IL12RB1: variants seen among roughly 807,000 people sequenced by gnomAD.
IL12RB1 encodes the protein interleukin 12 receptor subunit beta 1, also known as interleukin-12 receptor subunit beta-1.
In IL12RB1, 64 loss-of-function variants were observed where a neutral mutation model predicts 94.4. The observed-to-expected ratio is 0.68, with a 90% CI of 0.55 to 0.83. The LOEUF is 0.83. Ranked by LOEUF, IL12RB1 falls within the 40% of genes least tolerant of loss-of-function variation. The pLI is 0.00. For missense variants in IL12RB1, 814 were observed against 855.6 expected, an observed-to-expected ratio of 0.95 and a Z score of 0.61; for synonymous variants, 362 against 355.5, an observed-to-expected ratio of 1.02 and a Z score of -0.21.
chr19:18,060,556 T>C (rs1208280051), intron 15 of IL12RB1, among the ~76,000 whole-genome samples: 1 of 151,974 alleles, frequency 6.6e-6, no homozygotes, highest in Non-Finnish European at 1.5e-5. Flanking sequence ...CTCCCATCTG[T>C]CTTTGGGAAA....
intron 7 of IL12RB1, 130 bp from the exon 8 acceptor site, chr19:18,073,729 A>G: frequency 5.6e-6 from 4 of 716,180 alleles, no homozygotes; most frequent in East Asian, 2.7e-5. Flanking sequence ...TGCAGAAAAG[A>G]GAAAAAACTG....
chr19:18,059,398 AC>A lies in IL12RB1; in HGVS notation c.*209del. 1.6e-6 allele frequency: 1 copy of A among 628,862 alleles called. No homozygotes were observed. The highest frequency in any genetic ancestry group is 2.9e-6 in the Non-Finnish European group (1 of 348,338). 39.0% of individuals were successfully genotyped at this position (628,862 alleles called of 1,614,324 possible). ...AAATGGCAGGGTCTGCTCCTGCCCC[AC>A]GGATGCCAGGCCCAGCAGGGTGCAG... On this transcript the variant is annotated 3_prime_UTR_variant, in exon 17 of 17. Coordinates refer to ENST00000593993, the MANE Select transcript of IL12RB1 (RefSeq NM_005535.3).
chr19:18,089,348 G>T (rs913921039), upstream of IL12RB1, among the ~76,000 whole-genome samples: 1 of 152,064 alleles, frequency 6.6e-6, no homozygotes, highest in Non-Finnish European at 1.5e-5. Flanking sequence ...TTTCCGGCCC[G>T]GGCGCGGTGG....
chr19:18,074,287 C>G (rs185188631), intron 7 of IL12RB1, among the ~76,000 whole-genome samples: 1 of 152,052 alleles, frequency 6.6e-6, no homozygotes, highest in East Asian at 1.9e-4. Context: ...GCTGGGATTA[C>G]AGGCATAAAC....
chr19:18,098,630 C>T (rs2037240845), intron 1 of IL12RB1: 1 of 443,618 alleles, frequency 2.3e-6, no homozygotes, highest in Non-Finnish European at 4.5e-6. Context: ...CTCTGGGCCT[C>T]AGTGTCCCCA....
intron 9 of IL12RB1, chr19:18,071,343 G>GA (rs549559073): frequency 2.3e-4 from 214 of 924,068 alleles, no homozygotes; most frequent in Non-Finnish European, 3.0e-4. Flanking sequence ...TCTGTCACAA[G>GA]AAAAAAAAGA....
chr19:18,087,197 C>T (rs1031919051), upstream of IL12RB1, among the ~76,000 whole-genome samples: 33 of 150,062 alleles, frequency 2.2e-4, no homozygotes, highest in Non-Finnish European at 4.1e-4. Context: ...AGGTCTCTGG[C>T]CCTCTCTAGC....
At chr19:18,068,964 G>C (rs1265282135) in intron 10 of IL12RB1, among the ~76,000 whole-genome samples, 1 of 152,056 alleles carries the variant, frequency 6.6e-6, no homozygotes, top group Non-Finnish European at 1.5e-5. Flanking sequence ...TGGCCAGGCT[G>C]GTCTCGAACT....
rs2036069327 is a variant in IL12RB1 at position 18,083,600 on chromosome 19, C to A, written c.65-109G>T. 1.1e-5 allele frequency: 11 copies of A among 1,038,834 alleles called. 1 individual carries two copies. The South Asian group carries it at 1.5e-4, about 14-fold the overall frequency. 64.4% of individuals were successfully genotyped at this position (1,038,834 alleles called of 1,614,324 possible). A position where few individuals can be genotyped will look rare whatever the true frequency, so the allele number is the denominator to read the frequency against. On this transcript the variant is annotated intron_variant, in intron 1 of 16. Coordinates refer to ENST00000593993, the MANE Select transcript of IL12RB1 (RefSeq NM_005535.3). ...GTGATCATCAGCCCTCCCACCCACC[C>A]ACTTTCCCATCTATGCACCCTCCTA...
At chr19:18,067,349 A>AAT (rs2034665840) in intron 11 of IL12RB1, among the ~76,000 whole-genome samples, 2 of 145,758 alleles carry the variant, frequency 1.4e-5, no homozygotes, top group Non-Finnish European at 3.0e-5. Context: ...AAAAAAAAAA[A>AAT]AGGAGTGCTG....
rs1285289093 is a variant in IL12RB1, at chr19:18,072,494, C to G, written c.784-145G>C. On this transcript the variant is annotated intron_variant, in intron 8 of 16. Transcript: ENST00000593993. Reference sequence around the variant, plus strand: ...ATCAAAAATTAAAAGAATAATAAACCTCAATGCTGGCAAAGCTGCTGTGAG... The same window carrying G: ...ATCAAAAATTAAAAGAATAATAAACGTCAATGCTGGCAAAGCTGCTGTGAG... 1.5e-5 allele frequency: 10 copies of G among 677,272 alleles called. No individual in the cohort carries two copies. The South Asian group carries it at 1.6e-4, about 11-fold the overall frequency. The allele number at this position is 677,272 out of a possible 1,614,324, so 42.0% of individuals were successfully genotyped here. A position where few individuals can be genotyped will look rare whatever the true frequency, so the allele number is the denominator to read the frequency against.
chr19:18,059,141 G>A lies in IL12RB1; in HGVS notation c.*467C>T, dbSNP rs1419963873. The A allele has an allele frequency of 6.1e-6, 1 of 163,592 alleles. No individual in the cohort carries two copies. Among genetic ancestry groups the A allele is most frequent in the Non-Finnish European group, 1.2e-5 (1 of 81,870 alleles). The allele number at this position is 163,592 out of a possible 1,614,324, so 10.1% of individuals were successfully genotyped here. A position where few individuals can be genotyped will look rare whatever the true frequency, so the allele number is the denominator to read the frequency against. Reference sequence around the variant, plus strand: ...CCACCCCCATTTTATAGGGGGGTGAGGGTGGGGTGGGGGGTGGGATGGGAG... The same window carrying A: ...CCACCCCCATTTTATAGGGGGGTGAAGGTGGGGTGGGGGGTGGGATGGGAG... On this transcript the variant is annotated 3_prime_UTR_variant, in exon 17 of 17. Transcript: ENST00000593993.
At chr19:18,089,054 CA>C (rs916520833), upstream of IL12RB1, among the ~76,000 whole-genome samples, 38 of 137,952 alleles carry the variant, frequency 2.8e-4, no homozygotes, top group African/African-American at 3.5e-4. Context: ...CACACATACA[CA>C]AAAAAAAAAA....
At chr19:18,072,609 A>G (rs2035146565) in intron 8 of IL12RB1, among the ~76,000 whole-genome samples, 1 of 152,122 alleles carries the variant, frequency 6.6e-6, no homozygotes. Context: ...AAATGTTTCC[A>G]TCTTTTAACC....
intron 1 of IL12RB1, among the ~76,000 whole-genome samples, chr19:18,094,759 G>A (rs944400048): frequency 1.3e-5 from 2 of 152,106 alleles, no homozygotes; most frequent in African/African-American, 2.4e-5. Flanking sequence ...CAGCTACTCC[G>A]CCCTCCAGCC....
chr19:18,071,403 TTC>T lies in IL12RB1; in HGVS notation c.1021+707_1021+708del, dbSNP rs1051811072. 4 of 853,342 alleles carry T rather than the reference TTC, an allele frequency of 4.7e-6. No homozygotes were observed. In the Admixed American group the frequency reaches 8.4e-5, roughly 18 times the overall value. The allele number at this position is 853,342 out of a possible 1,614,324, so 52.9% of individuals were successfully genotyped here. A position where few individuals can be genotyped will look rare whatever the true frequency, so the allele number is the denominator to read the frequency against. On this transcript the variant is annotated intron_variant, in intron 9 of 16. Coordinates refer to ENST00000593993, the MANE Select transcript of IL12RB1 (RefSeq NM_005535.3). ...GTCAACTCTAGCCTTTTTTCTTTCT[TTC>T]TCTCTTTTTTCTTTTTTGAAAAAGA...
In IL12RB1 at chr19:18,080,995, G is replaced by A; in HGVS notation, c.246C>T (p.Ser82=). 1.2e-6 allele frequency: 2 copies of A among 1,611,774 alleles called. No individual in the cohort carries two copies. Among genetic ancestry groups the A allele is most frequent in the Non-Finnish European group, 8.5e-7 (1 of 1,179,786 alleles). The change falls in exon 4 of 17, where the codon AGC becomes AGT. Residue 82 remains serine, a synonymous_variant. Transcript: ENST00000593993. The stretch of plus-strand genomic sequence containing the variant: ...CGGCGAAGTAGCAGCAGCGCCCGGA[G>A]CTAAGGCTGCAGCAGGAAGGAGGGT... ...GVSHFLRCCL[S]SGRCCYFAAG... is the part of the protein sequence containing the mutation.
intron 5 of IL12RB1, among the ~76,000 whole-genome samples, 195 bp downstream of exon 5, chr19:18,077,321 C>A (rs907615292): frequency 3.3e-5 from 5 of 151,738 alleles, no homozygotes; most frequent in African/African-American, 1.2e-4. Context: ...GAGATCATGC[C>A]ACTGCACTCC....
chr19:18,075,187 A>G (rs1234946724), intron 7 of IL12RB1, among the ~76,000 whole-genome samples: 1 of 151,460 alleles, frequency 6.6e-6, no homozygotes, highest in East Asian at 1.9e-4. Context: ...CCTTATTTCT[A>G]ACACTCACCA....
Sources: allele counts gnomAD v4.1 joint callset (sites outside exome capture counted in the v4.1 genomes callset), GRCh38; gene constraint gnomAD v4.1.1; transcripts MANE v1.5; gene names NCBI Gene and HGNC (gene_info 2026-07-23, HGNC 2026-07-21).